PPP1R16B: variants seen among roughly 807,000 people sequenced by gnomAD.
The protein encoded by PPP1R16B is protein phosphatase 1 regulatory subunit 16B, also known as protein phosphatase 1 regulatory inhibitor subunit 16B.
Under a neutral mutation model 61.7 loss-of-function variants are expected in PPP1R16B, and 14 were observed. The observed-to-expected ratio is 0.23, with a 90% CI of 0.15 to 0.35. The LOEUF is 0.35. Ranked by LOEUF, PPP1R16B falls within the 10% of genes least tolerant of loss-of-function variation. PPP1R16B has a pLI of 1.00. For synonymous variants in PPP1R16B, 266 were observed against 305.3 expected, an observed-to-expected ratio of 0.87 and a Z score of 1.34; for missense variants, 547 against 752.5, an observed-to-expected ratio of 0.73 and a Z score of 3.19.
intron 2 of PPP1R16B, among the ~76,000 whole-genome samples, chr20:38,858,098 TG>T (rs1468072655): frequency 6.6e-6 from 1 of 152,106 alleles, no homozygotes; most frequent in Non-Finnish European, 1.5e-5. Flanking sequence ...GACTCTCTGG[TG>T]TCTCTTTTAA....
At chr20:38,828,680 G>A (rs2084818684) in intron 1 of PPP1R16B, among the ~76,000 whole-genome samples, 1 of 152,196 alleles carries the variant, frequency 6.6e-6, no homozygotes, top group African/African-American at 2.4e-5. Flanking sequence ...TGAGAAGAGA[G>A]AGCTTCTGAT....
intron 2 of PPP1R16B, among the ~76,000 whole-genome samples, chr20:38,869,616 G>T (rs1467769888): frequency 2.0e-5 from 3 of 152,214 alleles, no homozygotes; most frequent in Middle Eastern, 3.4e-3. Context: ...ATTTTAGTGG[G>T]TGTGAAGTAT....
At chr20:38,862,929 G>A (rs914870635) in intron 2 of PPP1R16B, among the ~76,000 whole-genome samples, 3 of 152,218 alleles carry the variant, frequency 2.0e-5, no homozygotes, top group Admixed American at 1.3e-4. Flanking sequence ...ATGTTCGAAA[G>A]AGGGTGTGTG....
At chr20:38,885,807 G>T (rs1259816158) in intron 2 of PPP1R16B, among the ~76,000 whole-genome samples, 2 of 152,186 alleles carry the variant, frequency 1.3e-5, no homozygotes, top group Admixed American at 6.5e-5. Flanking sequence ...ACAGAGTCTT[G>T]CTCCGTCGCC....
intron 1 of PPP1R16B, among the ~76,000 whole-genome samples, chr20:38,807,845 C>T (rs565992464): frequency 3.3e-5 from 5 of 152,250 alleles, no homozygotes; most frequent in Non-Finnish European, 7.4e-5. Context: ...CTCCTACCAC[C>T]GTGACACTCA....
chr20:38,828,747 C>G (rs1040199779), intron 1 of PPP1R16B, among the ~76,000 whole-genome samples: 1 of 152,184 alleles, frequency 6.6e-6, no homozygotes, highest in South Asian at 2.1e-4. Flanking sequence ...GGGCTCAGGC[C>G]GCTGCTGACA....
At chr20:38,896,670 T>C (rs1014407447) in intron 4 of PPP1R16B, among the ~76,000 whole-genome samples, 47 of 152,200 alleles carry the variant, frequency 3.1e-4, no homozygotes, top group African/African-American at 1.1e-3. Context: ...TGGTATTAAG[T>C]ACATTCATAT....
intron 2 of PPP1R16B, among the ~76,000 whole-genome samples, chr20:38,870,905 C>T (rs1261828936): frequency 6.6e-6 from 1 of 152,116 alleles, no homozygotes; most frequent in East Asian, 1.9e-4. Flanking sequence ...TATCAGGAAG[C>T]AGGCATGTAA....
chr20:38,884,862 G>A (rs1005274295), intron 2 of PPP1R16B, among the ~76,000 whole-genome samples: 1 of 151,858 alleles, frequency 6.6e-6, no homozygotes, highest in African/African-American at 2.4e-5. Flanking sequence ...ACGAGGTCAG[G>A]AGATTAAGAC....
Position 38,908,040 on chromosome 20 carries a change from G to A in PPP1R16B, c.1041G>A (p.Arg347=). 4 of 1,614,200 alleles carry A rather than the reference G, an allele frequency of 2.5e-6. No homozygotes were observed. Among genetic ancestry groups the A allele is most frequent in the Non-Finnish European group, 3.4e-6 (4 of 1,180,026 alleles). Residue 347 remains arginine (R), a synonymous_variant, in exon 10 of 11, where the codon CGG becomes CGA. Transcript: ENST00000299824. ...SSAGSRGKVV[R]RASLSDRTNL... ...TTTGTCCTCTCAGGAAGGTGGTGCG[G>A]CGAGCCAGCCTGTCGGACAGGACCA...
intron 3 of PPP1R16B, among the ~76,000 whole-genome samples, chr20:38,894,113 C>G (rs1179036536): frequency 6.6e-6 from 1 of 151,702 alleles, no homozygotes; most frequent in Admixed American, 6.6e-5. Context: ...CCGTCCCCCC[C>G]GCACCCCCGC....
At chr20:38,807,414 C>T (rs377533209) in intron 1 of PPP1R16B, among the ~76,000 whole-genome samples, 3 of 152,206 alleles carry the variant, frequency 2.0e-5, no homozygotes, top group Non-Finnish European at 2.9e-5. Flanking sequence ...ATACTGGCCG[C>T]CCTCGGGATT....
chr20:38,888,519 G>A (rs1467824372), intron 2 of PPP1R16B, among the ~76,000 whole-genome samples: 1 of 152,196 alleles, frequency 6.6e-6, no homozygotes, highest in Non-Finnish European at 1.5e-5. Flanking sequence ...GACAGGGACA[G>A]TAGAGGTGTG....
intron 2 of PPP1R16B, among the ~76,000 whole-genome samples, chr20:38,876,452 C>T (rs2085167625): frequency 6.6e-6 from 1 of 152,020 alleles, no homozygotes; most frequent in Non-Finnish European, 1.5e-5. Flanking sequence ...AGCGTGTGTT[C>T]CAATTAGTTT....
chr20:38,872,438 G>T (rs1248544007), intron 2 of PPP1R16B, among the ~76,000 whole-genome samples: 2 of 152,182 alleles, frequency 1.3e-5, no homozygotes, highest in Non-Finnish European at 1.5e-5. Context: ...CATTTCTAGA[G>T]CGCAGGAGGC....
rs2085460759 is a variant in PPP1R16B, at chr20:38,908,118, A to C, written c.1119A>C (p.Ala373=). 2 of 1,614,244 alleles carry C rather than the reference A, an allele frequency of 1.2e-6. No homozygotes were observed. The highest frequency in any genetic ancestry group is 1.7e-6 in the Non-Finnish European group (2 of 1,180,032). ...AGGCCATCCTGTGGCAGCGGAGTGC[A>C]GCTGAGGATCAGCGGACCTCCACCT... The part of the protein sequence containing the change: ...EGEAILWQRS[A]AEDQRTSTYN... The change falls in exon 10 of 11, where the codon GCA becomes GCC. Residue 373 remains alanine, a synonymous_variant. Coordinates refer to ENST00000299824, the MANE Select transcript of PPP1R16B (RefSeq NM_015568.4).
At chr20:38,916,683 G>A (rs574452340) in intron 10 of PPP1R16B, among the ~76,000 whole-genome samples, 3 of 151,720 alleles carry the variant, frequency 2.0e-5, no homozygotes, top group Admixed American at 6.6e-5. Flanking sequence ...ATTTTTTACT[G>A]AAGAGCTGGG....
chr20:38,855,982 A>AGGAGGAGGAGGAGGAGGAGGAGG lies in PPP1R16B; in HGVS notation c.250+19807_250+19808insGGAGGAGGAGGAGGAGGAGGAGG, dbSNP rs1449393855. On this transcript the variant is annotated intron_variant, in intron 2 of 10. Transcript: ENST00000299824. Reference sequence around the variant, plus strand: ...GAGAGAGAGAGAGAGAGAGAGAGAGAAGGAGGAGGAGAGAGACCAGGACAG... The same window carrying AGGAGGAGGAGGAGGAGGAGGAGG: ...GAGAGAGAGAGAGAGAGAGAGAGAGAGGAGGAGGAGGAGGAGGAGGAGGAGGAGGAGGAGAGAGACCAGGACAG... Among the ~76,000 whole-genome samples, 21 of 41,522 alleles carry AGGAGGAGGAGGAGGAGGAGGAGG rather than the reference A, an allele frequency of 5.1e-4. 1 individual carries two copies. Among genetic ancestry groups the AGGAGGAGGAGGAGGAGGAGGAGG allele is most frequent in the African/African-American group, 1.8e-3 (12 of 6,706 alleles). 27.2% of individuals were successfully genotyped at this position (41,522 alleles called of 152,430 possible). A position where few individuals can be genotyped will look rare whatever the true frequency, so the allele number is the denominator to read the frequency against.
Position 38,907,966 on chromosome 20 carries a change from C to T in PPP1R16B, c.1028+31C>T. On this transcript the variant is annotated intron_variant, in intron 9 of 10. Transcript: ENST00000299824. The surrounding 1 kb of genome is among the most constrained non-coding windows in gnomAD (Gnocchi z 4.5). ...TCCGGGGCAGGGCAGCCAGGAGTCCCTGTGTGTGCTCCTGCCTGTGGTGCC... is the reference window on the plus strand; with the variant it reads ...TCCGGGGCAGGGCAGCCAGGAGTCCTTGTGTGTGCTCCTGCCTGTGGTGCC... 2 of 1,613,976 alleles carry T rather than the reference C, an allele frequency of 1.2e-6. No homozygotes were observed. Among genetic ancestry groups the T allele is most frequent in the African/African-American group, 2.7e-5 (2 of 75,068 alleles).
Sources: gnomAD v4.1 joint callset for allele counts (sites outside exome capture counted in the v4.1 genomes callset) on GRCh38, gnomAD v4.1.1 for gene constraint, Gnocchi (gnomAD v3.1) non-coding constraint, MANE v1.5 for transcripts, NCBI Gene and HGNC (gene_info 2026-07-23, HGNC 2026-07-21) for gene names.